The following MAGI2 variants were observed in gnomAD, a reference collection of about 807,000 sequenced individuals.
MAGI2 encodes membrane associated guanylate kinase, WW and PDZ domain containing 2, also known as membrane-associated guanylate kinase, WW and PDZ domain-containing protein 2.
In MAGI2, 35 loss-of-function variants were observed where a neutral mutation model predicts 133.3. The ratio of observed to expected loss-of-function variants is 0.26; its 90% confidence interval spans 0.20 to 0.35. The LOEUF (loss-of-function observed/expected upper bound fraction) is 0.35. MAGI2 is among the 10% of genes least tolerant of loss of function. The probability of loss-of-function intolerance (pLI) is 1.00; values close to 1 mark genes in which losing one functional copy is unlikely to be tolerated. For missense variants in MAGI2, 1,636 were observed against 1,863.4 expected, an observed-to-expected ratio of 0.88 and a Z score of 2.25; for synonymous variants, 729 against 710.6, an observed-to-expected ratio of 1.03 and a Z score of -0.41.
intron 21 of MAGI2, among the ~76,000 whole-genome samples, chr7:78,055,275 G>C (rs891730671): frequency 5.3e-5 from 8 of 152,198 alleles, no homozygotes; most frequent in Admixed American, 4.6e-4. Flanking sequence ...TGATCTTCAT[G>C]TCACATTTTG....
chr7:79,206,374 A>G (rs1170476601), intron 1 of MAGI2, among the ~76,000 whole-genome samples: 3 of 151,708 alleles, frequency 2.0e-5, no homozygotes, highest in Non-Finnish European at 2.9e-5. Flanking sequence ...ATAAAATCAG[A>G]AATAAAAAAG....
intron 4 of MAGI2, among the ~76,000 whole-genome samples, chr7:78,503,459 G>A (rs1207966263): frequency 6.6e-6 from 1 of 151,856 alleles, no homozygotes; most frequent in Non-Finnish European, 1.5e-5. Flanking sequence ...TCATGGGGAA[G>A]GCTTCCCCCA....
chr7:78,704,481 G>A (rs2151158683), intron 2 of MAGI2, among the ~76,000 whole-genome samples: 1 of 152,230 alleles, frequency 6.6e-6, no homozygotes, highest in Admixed American at 6.5e-5. Context: ...GGGTAAAATA[G>A]TTCAAGCATT....
intron 2 of MAGI2, among the ~76,000 whole-genome samples, chr7:78,823,184 A>G (rs60927279): frequency 0.18 from 26,701 of 152,182 alleles, 3,303 homozygotes; most frequent in African/African-American, 0.35. Context: ...CGTAGTAGGT[A>G]GATCCCTACC....
At chr7:78,915,943 G>C (rs1798759779) in intron 2 of MAGI2, among the ~76,000 whole-genome samples, 1 of 151,918 alleles carries the variant, frequency 6.6e-6, no homozygotes, top group African/African-American at 2.4e-5. Flanking sequence ...TGGATATCTG[G>C]GGAAGGAGCC....
At chr7:79,197,796 C>T (rs1359441994) in intron 1 of MAGI2, among the ~76,000 whole-genome samples, 2 of 152,020 alleles carry the variant, frequency 1.3e-5, no homozygotes, top group African/African-American at 2.4e-5. Flanking sequence ...TCTGCATCCT[C>T]ACATAGCAGA....
At chr7:79,005,798 T>C (rs1257190652) in intron 2 of MAGI2, among the ~76,000 whole-genome samples, 2 of 152,182 alleles carry the variant, frequency 1.3e-5, no homozygotes, top group Non-Finnish European at 2.9e-5. Flanking sequence ...CCTTTGTCCA[T>C]CACTCTAATG....
At chr7:78,065,717 T>C (rs1447737024) in intron 21 of MAGI2, 2 of 582,938 alleles carry the variant, frequency 3.4e-6, no homozygotes, top group East Asian at 2.9e-5. Context: ...ACAGAACCAG[T>C]AACAAAGATA....
At chr7:78,698,332 A>G (rs1472949517) in intron 2 of MAGI2, among the ~76,000 whole-genome samples, 1 of 152,206 alleles carries the variant, frequency 6.6e-6, no homozygotes, top group Non-Finnish European at 1.5e-5. Flanking sequence ...CCACAAGTGG[A>G]AAGTCTGGCA....
chr7:78,061,302 G>T (rs913251787), intron 21 of MAGI2, among the ~76,000 whole-genome samples: 1 of 151,688 alleles, frequency 6.6e-6, no homozygotes, highest in Non-Finnish European at 1.5e-5. Flanking sequence ...AGTAAAGGCT[G>T]TCTAATCCGG....
intron 20 of MAGI2, among the ~76,000 whole-genome samples, chr7:78,091,949 C>T (rs1200767632): frequency 6.6e-6 from 1 of 152,192 alleles, no homozygotes; most frequent in African/African-American, 2.4e-5. Context: ...TTCACGTGTA[C>T]TGAGGATAGC....
Position 79,058,171 on chromosome 7 carries a change from A to T in MAGI2, c.302-50965T>A, listed in dbSNP as rs1163944345. 2.6e-5 allele frequency among the ~76,000 whole-genome samples: 4 copies of T among 152,144 alleles called. No individual in the cohort carries two copies. The East Asian group carries it at 7.7e-4, about 29-fold the overall frequency. On this transcript the variant is annotated intron_variant, in intron 1 of 21. Coordinates refer to ENST00000354212, the MANE Select transcript of MAGI2 (RefSeq NM_012301.4). ...AAGACCAGGGAAAATGCGATGGGAT[A>T]CAAATTCAAGTCAGAAATTTATTTT...
intron 2 of MAGI2, among the ~76,000 whole-genome samples, chr7:78,720,708 A>G (rs1198663654): frequency 6.6e-6 from 1 of 152,052 alleles, no homozygotes; most frequent in Non-Finnish European, 1.5e-5. Flanking sequence ...ACTACATGCC[A>G]TTTTATTCAA....
intron 4 of MAGI2, chr7:78,518,515 T>G (rs2150577057): frequency 6.6e-6 from 1 of 152,304 alleles, no homozygotes; most frequent in East Asian, 1.9e-4. Context: ...TAAAGCATGG[T>G]AAGCATTCAA....
chr7:78,178,026 A>G lies in MAGI2; in HGVS notation c.2388T>C (p.Asp796=), dbSNP rs774769767. The G allele has an allele frequency of 4.3e-6, 7 of 1,612,518 alleles. No homozygotes were observed. In the East Asian group the frequency reaches 6.7e-5, roughly 15 times the overall value. ...TTCAACTTACAGGCTGTCCAGGCTC[A>G]TCTCCCCCGAGGATTCTGAAGCCAA... ...SGFGFRILGG[D]EPGQPILIGA... The change falls in exon 14 of 22, where the codon GAT becomes GAC. Residue 796 remains aspartate (D), a synonymous_variant. Transcript: ENST00000354212.
At chr7:78,939,195 C>T (rs1297384200) in intron 2 of MAGI2, among the ~76,000 whole-genome samples, 3 of 151,970 alleles carry the variant, frequency 2.0e-5, no homozygotes, top group Admixed American at 6.6e-5. Context: ...GGTTCCACCA[C>T]GTTGGCCAGG....
intron 2 of MAGI2, among the ~76,000 whole-genome samples, chr7:78,938,895 G>A (rs1400048939): frequency 1.3e-5 from 2 of 152,124 alleles, no homozygotes; most frequent in Non-Finnish European, 2.9e-5. Context: ...ATAAACAGAA[G>A]TCTTTAAAAT....
chr7:78,071,265 G>T (rs561387033), intron 21 of MAGI2, among the ~76,000 whole-genome samples: 1 of 152,076 alleles, frequency 6.6e-6, no homozygotes, highest in African/African-American at 2.4e-5. Context: ...GCTGGGCCTG[G>T]TGGCTCATGC....
At chr7:78,761,477 T>C (rs1824503089) in intron 2 of MAGI2, among the ~76,000 whole-genome samples, 1 of 151,714 alleles carries the variant, frequency 6.6e-6, no homozygotes, top group Admixed American at 6.6e-5. Flanking sequence ...TTTTTTTTTT[T>C]TTTTTTGAGA....
Sources: gnomAD v4.1 joint callset for allele counts (sites outside exome capture counted in the v4.1 genomes callset) on GRCh38, gnomAD v4.1.1 for gene constraint, MANE v1.5 for transcripts, NCBI Gene and HGNC (gene_info 2026-07-23, HGNC 2026-07-21) for gene names.